Variants in NHSL1 observed in about 807,000 individuals in gnomAD.
The protein encoded by NHSL1 is NHS like 1, also known as NHS-like protein 1.
A neutral mutation model predicts 95.0 loss-of-function variants in NHSL1; 48 were observed. The ratio of observed to expected loss-of-function variants is 0.51; its 90% CI spans 0.40 to 0.64. The LOEUF is 0.64. NHSL1 is among the 30% of genes least tolerant of loss of function. NHSL1 has a pLI of 0.00. For synonymous variants in NHSL1, 783 were observed against 833.9 expected (o/e 0.94, Z 1.05); for missense variants, 1,971 against 2,077.7 (o/e 0.95, Z 1.00).
chr6:138,484,387 AT>A (rs1285449357), intron 2 of NHSL1, among the ~76,000 whole-genome samples: 2 of 152,176 alleles, frequency 1.3e-5, no homozygotes, highest in Non-Finnish European at 2.9e-5. Flanking sequence ...CTGCCTAAAA[AT>A]TATTTTATAA....
chr6:138,526,979 G>T (rs79255561), intron 1 of NHSL1, among the ~76,000 whole-genome samples: 4 of 152,080 alleles, frequency 2.6e-5, no homozygotes, highest in African/African-American at 9.7e-5. Flanking sequence ...CATTTATCCC[G>T]CTTCTTTGGG....
rs78914887 is a variant in NHSL1 at position 138,558,421 on chromosome 6, C to CTT, written c.202+13287_202+13288dup. Among the ~76,000 whole-genome samples, 618 of 121,946 alleles carry CTT rather than the reference C, an allele frequency of 5.1e-3. 9 individuals are homozygous for CTT. Among genetic ancestry groups the CTT allele is most frequent in the African/African-American group, 0.018 (581 of 32,704 alleles). 80.0% of individuals were successfully genotyped at this position (121,946 alleles called of 152,430 possible). On this transcript the variant is annotated intron_variant, in intron 1 of 6. Transcript: ENST00000427025. ...ACAGGGGTAAGCCACTGTGCCCACCCTTTTTTTTTTTTTTTTCCCTGAGAC... is the reference window on the plus strand; with the variant it reads ...ACAGGGGTAAGCCACTGTGCCCACCCTTTTTTTTTTTTTTTTTTCCCTGAGAC...
At chr6:138,644,171 C>A (rs1235686159) in intron 1 of NHSL1, among the ~76,000 whole-genome samples, 1 of 152,014 alleles carries the variant, frequency 6.6e-6, no homozygotes, top group African/African-American at 2.4e-5. Flanking sequence ...CAAAACAATT[C>A]TCAAAAACAC....
At chr6:138,465,848 C>T (rs1352463149) in intron 3 of NHSL1, among the ~76,000 whole-genome samples, 5 of 151,468 alleles carry the variant, frequency 3.3e-5, no homozygotes, top group East Asian at 1.9e-4. Context: ...CTCAGCCTCC[C>T]GAGTAGCTGG....
rs1775002337 is a variant in NHSL1 at position 138,422,857 on chromosome 6, C to G, written c.*1224G>C. ...GGGCTAATTGATAGCCAGGCCCTAC[C>G]AATTTTTATCAGTTTATTTGACTAA... On this transcript the variant is annotated 3_prime_UTR_variant, in exon 8 of 8. Coordinates refer to ENST00000343505, the MANE Select transcript of NHSL1 (RefSeq NM_001144060.2). 6.6e-6 allele frequency: 1 copy of G among 151,960 alleles called. No individual in the cohort carries two copies. Among genetic ancestry groups the G allele is most frequent in the South Asian group, 2.1e-4 (1 of 4,822 alleles). 9.4% of individuals were successfully genotyped at this position (151,960 alleles called of 1,614,324 possible). A position where few individuals can be genotyped will look rare whatever the true frequency, so the allele number is the denominator to read the frequency against.
Position 138,442,066 on chromosome 6 carries a change from G to A in NHSL1, c.581C>T (p.Thr194Ile). The A allele has an allele frequency of 6.4e-7, 1 of 1,551,212 alleles. No individual in the cohort carries two copies. The highest frequency in any genetic ancestry group is 8.7e-7 in the Non-Finnish European group (1 of 1,146,758). Residue 194 changes from threonine to isoleucine, a missense_variant, in exon 5 of 8, where the codon ACA (threonine) becomes ATA (isoleucine). Physicochemically the swap from Thr to Ile is moderately conservative, Grantham distance 89. Coordinates refer to ENST00000343505, the MANE Select transcript of NHSL1 (RefSeq NM_001144060.2). Reference protein sequence around the residue: ...QASLRRSLIYTDTLVRRPKKV... With the variant: ...QASLRRSLIYIDTLVRRPKKV... ...CTTCGGTCGTCTTACCAGAGTGTCT[G>A]TGTAAATTAGAGACCGCCGAAGGCT...
intron 3 of NHSL1, among the ~76,000 whole-genome samples, chr6:138,461,831 A>T (rs999286742): frequency 1.3e-5 from 2 of 152,230 alleles, no homozygotes; most frequent in African/African-American, 4.8e-5. Flanking sequence ...GCATGTTTGT[A>T]TAATGATGGT....
rs1050171276 is a variant in NHSL1, at chr6:138,496,375, T to C, written c.59-4A>G. 3.2e-6 allele frequency: 5 copies of C among 1,549,650 alleles called. No homozygotes were observed. The highest frequency in any genetic ancestry group is 4.2e-4 in the Middle Eastern group (2 of 4,798). On this transcript the variant is annotated splice_region_variant and splice_polypyrimidine_tract_variant and intron_variant, in intron 1 of 7. Coordinates refer to ENST00000343505, the MANE Select transcript of NHSL1 (RefSeq NM_001144060.2). ...TCCTCATCTAGGTTGGAAACCGCTA[T>C]AGAAAAAAAGATAGAATACATTCAG...
intron 1 of NHSL1, among the ~76,000 whole-genome samples, chr6:138,577,789 G>A (rs921329947): frequency 6.6e-6 from 1 of 152,000 alleles, no homozygotes; most frequent in Non-Finnish European, 1.5e-5. Flanking sequence ...TTGTACACAC[G>A]AATAATGAAA....
intron 7 of NHSL1, among the ~76,000 whole-genome samples, chr6:138,428,205 TATAA>T (rs1422356229): frequency 6.6e-6 from 1 of 152,192 alleles, no homozygotes; most frequent in Non-Finnish European, 1.5e-5. Context: ...GGATGGCTAT[TATAA>T]ATAGACAGAT....
At position 138,568,865 on chromosome 6, in the gene NHSL1, T is replaced by G. The variant is rs1583422140; in HGVS notation, c.202+2845A>C. ...GACATTAAATCATAAAGCTATGGGT[T>G]TGTTGTACTGAAAGATACCCATAAG... On this transcript the variant is annotated intron_variant, in intron 1 of 6. Coordinates refer to the NHSL1 transcript ENST00000427025. Among the ~76,000 whole-genome samples the G allele has an allele frequency of 5.9e-5, 9 of 152,360 alleles. 2 individuals are homozygous for G. The highest frequency in any genetic ancestry group is 5.9e-4 in the Admixed American group (9 of 15,308).
intron 1 of NHSL1, among the ~76,000 whole-genome samples, chr6:138,671,364 T>C (rs1367590232): frequency 1.4e-5 from 2 of 143,256 alleles, no homozygotes; most frequent in African/African-American, 5.8e-5. Context: ...GCAGAAGAAT[T>C]GCTTGAACCC....
At chr6:138,476,957 T>TA (rs58311101) in intron 2 of NHSL1, among the ~76,000 whole-genome samples, 4,889 of 100,108 alleles carry the variant, frequency 0.049, 386 homozygotes, top group African/African-American at 0.15. Flanking sequence ...TCCCTGAATC[T>TA]AAAAAAAAAA....
intron 1 of NHSL1, among the ~76,000 whole-genome samples, chr6:138,582,989 T>C (rs1042197705): frequency 2.0e-5 from 3 of 152,212 alleles, no homozygotes; most frequent in African/African-American, 4.8e-5. Context: ...TAGTGGGTCA[T>C]CTGCAGGGCA....
At chr6:138,593,772 A>G (rs1164705734) in intron 1 of NHSL1, among the ~76,000 whole-genome samples, 1 of 152,200 alleles carries the variant, frequency 6.6e-6, no homozygotes, top group African/African-American at 2.4e-5. Flanking sequence ...ACACAAAGAA[A>G]GCTGAGGGAT....
intron 1 of NHSL1, among the ~76,000 whole-genome samples, chr6:138,513,814 T>C (rs889475114): frequency 2.6e-5 from 4 of 152,148 alleles, no homozygotes; most frequent in African/African-American, 9.7e-5. Context: ...CTACTACTTG[T>C]AGTGATTTGT....
At chr6:138,589,027 G>A (rs1056340247) in intron 1 of NHSL1, among the ~76,000 whole-genome samples, 20 of 152,182 alleles carry the variant, frequency 1.3e-4, no homozygotes, top group African/African-American at 2.2e-4. Context: ...AAGAAAAACA[G>A]GCAGAGGAAG....
In NHSL1 at chr6:138,432,654, G is replaced by A. The variant is rs1775780965; in HGVS notation, c.1691C>T (p.Ser564Phe). 4.5e-6 allele frequency: 7 copies of A among 1,551,616 alleles called. No homozygotes were observed. The highest frequency in any genetic ancestry group is 2.0e-5 in the Admixed American group (1 of 50,990). ...EYKSSGNGRA[S>F]PLKPHLATPG... is the part of the protein sequence containing the mutation. ...AGTTGCTAAATGCGGCTTCAGGGGGGATGCCCTTCCATTACCTGAGGATTT... is the reference window on the plus strand; with the variant it reads ...AGTTGCTAAATGCGGCTTCAGGGGGAATGCCCTTCCATTACCTGAGGATTT... Residue 564 changes from serine to phenylalanine, a missense_variant, in exon 6 of 8, where the codon TCC (serine) becomes TTC (phenylalanine). Ser to Phe is a radical substitution (Grantham distance 155). Around this residue, in one of 3 missense-constraint regions of NHSL1, gnomAD observed 1,602 missense variants for 1,654.5 expected, o/e 0.97. Transcript: ENST00000343505. This position sits in a 1 kb window ranked among gnomAD's most constrained non-coding sequence, Gnocchi z 4.4.
intron 1 of NHSL1, among the ~76,000 whole-genome samples, chr6:138,521,898 G>C (rs1243273214): frequency 1.3e-5 from 2 of 152,180 alleles, no homozygotes; most frequent in Non-Finnish European, 2.9e-5. Context: ...AAGGGAAAGA[G>C]GGCAGGAAGA....
Sources: gnomAD v4.1 joint callset for allele counts (sites outside exome capture counted in the v4.1 genomes callset) on GRCh38, gnomAD v4.1.1 for gene constraint, gnomAD v4.1.1 regional missense constraint, Gnocchi (gnomAD v3.1) non-coding constraint, MANE v1.5 for transcripts, NCBI Gene and HGNC (gene_info 2026-07-23, HGNC 2026-07-21) for gene names.